Variants in WDR70 observed in about 807,000 individuals in gnomAD.
WDR70 encodes the protein WD repeat domain 70.
A neutral mutation model predicts 88.6 loss-of-function variants in WDR70; 53 were observed. The ratio of observed to expected loss-of-function variants is 0.60; its 90% CI spans 0.48 to 0.75. The LOEUF (loss-of-function observed/expected upper bound fraction) is 0.75, where lower values mean the gene tolerates loss of function less well. WDR70 is among the 30% of genes least tolerant of loss of function. The pLI is 0.00. For missense variants in WDR70, 610 were observed against 823.2 expected (o/e 0.74, Z 3.17); for synonymous variants, 280 against 270.0 (o/e 1.04, Z -0.36).
At chr5:37,688,909 T>A (rs1483680351) in intron 10 of WDR70, among the ~76,000 whole-genome samples, 2 of 151,714 alleles carry the variant, frequency 1.3e-5, no homozygotes, top group Non-Finnish European at 2.9e-5. Context: ...GCGCAAGGGG[T>A]CGGGGGAATT....
chr5:37,526,330 T>TA (rs1741270821), intron 9 of WDR70, among the ~76,000 whole-genome samples: 1 of 152,132 alleles, frequency 6.6e-6, no homozygotes, highest in African/African-American at 2.4e-5. Context: ...TGGTTCAACA[T>TA]ACGCACATCA....
intron 10 of WDR70, among the ~76,000 whole-genome samples, chr5:37,643,002 C>T (rs1240356216): frequency 1.3e-5 from 2 of 152,068 alleles, no homozygotes; most frequent in Non-Finnish European, 2.9e-5. Flanking sequence ...CATAAGATCT[C>T]ATTTATCTAT....
rs559376316 is a variant in WDR70, at chr5:37,587,286, A to G, written c.918-17778A>G. Among the ~76,000 whole-genome samples, 218 of 151,862 alleles carry G rather than the reference A, an allele frequency of 1.4e-3. 1 individual carries two copies. The highest frequency in any genetic ancestry group is 5.1e-3 in the African/African-American group (211 of 41,418). ...TCTGGTACTTGCCAATATTTTTACA[A>G]TCTCGTCTTCTACTTGTGCCCACTG... On this transcript the variant is annotated intron_variant, in intron 9 of 17. Transcript: ENST00000265107.
At chr5:37,395,952 C>T (rs763339808) in intron 4 of WDR70, among the ~76,000 whole-genome samples, 8 of 152,094 alleles carry the variant, frequency 5.3e-5, no homozygotes, top group Non-Finnish European at 1.2e-4. Context: ...AAGCACATGC[C>T]ACCACACCTG....
chr5:37,508,094 G>T (rs1404559284), intron 8 of WDR70, among the ~76,000 whole-genome samples: 3 of 152,012 alleles, frequency 2.0e-5, no homozygotes, highest in Non-Finnish European at 4.4e-5. Context: ...CATTAAATAG[G>T]TAGTTAACTG....
intron 10 of WDR70, among the ~76,000 whole-genome samples, chr5:37,643,222 A>T (rs1745151781): frequency 6.6e-6 from 1 of 152,084 alleles, no homozygotes; most frequent in South Asian, 2.1e-4. Context: ...TTTTTCCAGC[A>T]CCATTTATTG....
intron 9 of WDR70, among the ~76,000 whole-genome samples, chr5:37,591,942 G>C (rs915367671): frequency 1.2e-4 from 19 of 152,166 alleles, no homozygotes; most frequent in Admixed American, 6.5e-5. Context: ...CATCTCAATT[G>C]ATGTAAAATA....
At position 37,551,932 on chromosome 5, in the gene WDR70, C is replaced by T. The variant is rs185150631; in HGVS notation, c.917+35342C>T. Among the ~76,000 whole-genome samples the T allele has an allele frequency of 3.6e-3, 549 of 151,736 alleles. 9 individuals carry two copies. The highest frequency in any genetic ancestry group is 0.012 in the African/African-American group (493 of 41,426). ...AATTACAGGCGCCCACCACCATGCC[C>T]GGCTAATTTTTGTATTTTCAGTAGA... On this transcript the variant is annotated intron_variant, in intron 9 of 17. Coordinates refer to ENST00000265107, the MANE Select transcript of WDR70 (RefSeq NM_018034.4).
At chr5:37,586,636 C>T (rs776648575) in intron 9 of WDR70, among the ~76,000 whole-genome samples, 10 of 151,016 alleles carry the variant, frequency 6.6e-5, no homozygotes, top group Admixed American at 1.3e-4. Flanking sequence ...GTTCAACTCC[C>T]GCTTATGAGT....
chr5:37,416,174 G>A (rs1362407061), intron 5 of WDR70, among the ~76,000 whole-genome samples: 1 of 152,208 alleles, frequency 6.6e-6, no homozygotes, highest in Non-Finnish European at 1.5e-5. Flanking sequence ...GGGAGGTGGA[G>A]GTTGTAGCGA....
At chr5:37,390,807 C>T (rs923247473) in intron 3 of WDR70, among the ~76,000 whole-genome samples, 2 of 151,008 alleles carry the variant, frequency 1.3e-5, no homozygotes, top group African/African-American at 4.9e-5. Context: ...ACCTCCACCT[C>T]TCGGGTTCAA....
chr5:37,621,131 C>G (rs772039302), intron 10 of WDR70, among the ~76,000 whole-genome samples: 1 of 152,106 alleles, frequency 6.6e-6, no homozygotes. Context: ...CAGCTTCTTA[C>G]AGTCTGCCTC....
At chr5:37,687,558 C>T (rs1467811566) in intron 10 of WDR70, among the ~76,000 whole-genome samples, 1 of 152,122 alleles carries the variant, frequency 6.6e-6, no homozygotes, top group Non-Finnish European at 1.5e-5. Context: ...CAAAACATTA[C>T]ACCTCCAATA....
intron 7 of WDR70, chr5:37,479,377 T>G (rs1227385481): frequency 6.6e-6 from 1 of 152,418 alleles, no homozygotes; most frequent in Non-Finnish European, 1.5e-5. Flanking sequence ...TTTTTTTTTT[T>G]TTTTTTCTGG....
At chr5:37,480,100 A>G in intron 8 of WDR70, 113 bp downstream of exon 8, 1 of 1,294,396 alleles carries the variant, frequency 7.7e-7, no homozygotes, top group South Asian at 1.5e-5. Flanking sequence ...AAACAATAGC[A>G]ATTTATTTGT....
rs549355924 is a variant in WDR70 at position 37,722,640 on chromosome 5, C to G, written c.1518-215C>G. ...CCCTGTTACCTCTCCAACCCTCTTG[C>G]TTGTTAATAACCACTGACTGACAGA... On this transcript the variant is annotated intron_variant, in intron 14 of 17. Transcript: ENST00000265107. 5.4e-6 allele frequency: 3 copies of G among 551,640 alleles called. No individual in the cohort carries two copies. In the South Asian group the frequency reaches 6.8e-5, roughly 12 times the overall value. 34.2% of individuals were successfully genotyped at this position (551,640 alleles called of 1,614,324 possible). A position where few individuals can be genotyped will look rare whatever the true frequency, so the allele number is the denominator to read the frequency against.
chr5:37,682,916 C>A (rs1360285374), intron 10 of WDR70, among the ~76,000 whole-genome samples: 2 of 151,214 alleles, frequency 1.3e-5, no homozygotes, highest in Non-Finnish European at 3.0e-5. Context: ...GTGGAGAGTT[C>A]TGTAGTACTG....
chr5:37,579,253 A>G (rs1743149135), intron 9 of WDR70, among the ~76,000 whole-genome samples: 1 of 152,206 alleles, frequency 6.6e-6, no homozygotes, highest in African/African-American at 2.4e-5. Flanking sequence ...TTTTTAATGT[A>G]TTCACTTCTG....
intron 3 of WDR70, among the ~76,000 whole-genome samples, chr5:37,383,124 AAAAT>A (rs1161344431): frequency 1.3e-5 from 2 of 152,148 alleles, no homozygotes; most frequent in Non-Finnish European, 2.9e-5. Context: ...ACTAAAATAA[AAAAT>A]AAAACGTTGT....
Sources: gnomAD v4.1 joint callset for allele counts (sites outside exome capture counted in the v4.1 genomes callset) on GRCh38, gnomAD v4.1.1 for gene constraint, MANE v1.5 for transcripts, NCBI Gene and HGNC (gene_info 2026-07-23, HGNC 2026-07-21) for gene names.